Variants in ST6GALNAC5 observed in about 807,000 individuals in gnomAD.
ST6GALNAC5 encodes the protein ST6 N-acetylgalactosaminide alpha-2,6-sialyltransferase 5.
Under a neutral mutation model 33.6 loss-of-function variants are expected in ST6GALNAC5, and 27 were observed. The ratio of observed to expected loss-of-function variants is 0.80; its 90% CI spans 0.59 to 1.11. The LOEUF (loss-of-function observed/expected upper bound fraction) is 1.11. Among genes scored for constraint, ST6GALNAC5 ranks in the 50% least tolerant of loss-of-function variants. ST6GALNAC5 has a pLI of 0.00. For missense variants in ST6GALNAC5, 428 were observed against 454.0 expected (o/e 0.94, Z 0.52); for synonymous variants, 194 against 171.2 (o/e 1.13, Z -1.04).
chr1:77,036,695 CT>C (rs1557769666), intron 2 of ST6GALNAC5, among the ~76,000 whole-genome samples: 2 of 152,228 alleles, frequency 1.3e-5, no homozygotes, highest in Admixed American at 6.5e-5. Context: ...TGGTTAAGTG[CT>C]TTACATGGCT....
rs199684 is a variant in ST6GALNAC5 at position 77,019,900 on chromosome 1, T to A, written c.262-24304T>A. 5.1e-3 allele frequency among the ~76,000 whole-genome samples: 770 copies of A among 152,306 alleles called. 7 individuals carry two copies. Among genetic ancestry groups the A allele is most frequent in the African/African-American group, 0.018 (729 of 41,572 alleles). On this transcript the variant is annotated intron_variant, in intron 2 of 4. Coordinates refer to ENST00000477717, the MANE Select transcript of ST6GALNAC5 (RefSeq NM_030965.3). Reference sequence around the variant, plus strand: ...TAACCCCCAAATTCCTATCTTATACTTTAAACTGCCCTGAAAATCAAAAGC... The same window carrying A: ...TAACCCCCAAATTCCTATCTTATACATTAAACTGCCCTGAAAATCAAAAGC...
intron 2 of ST6GALNAC5, among the ~76,000 whole-genome samples, chr1:76,905,245 A>G (rs962828518): frequency 6.6e-6 from 1 of 152,216 alleles, no homozygotes; most frequent in South Asian, 2.1e-4. Context: ...TGGCGGGATA[A>G]CTACTTACAA....
At chr1:76,988,012 CT>C (rs1649579888) in intron 2 of ST6GALNAC5, among the ~76,000 whole-genome samples, 1 of 152,066 alleles carries the variant, frequency 6.6e-6, no homozygotes, top group Non-Finnish European at 1.5e-5. Context: ...ACCAATTATT[CT>C]TAGGTTTGGA....
chr1:77,004,715 G>C (rs983129967), intron 2 of ST6GALNAC5, among the ~76,000 whole-genome samples: 1 of 119,808 alleles, frequency 8.3e-6, no homozygotes, highest in African/African-American at 2.6e-5. Context: ...TAACAGACAG[G>C]ACCCTCAGCT....
chr1:76,920,274 A>T (rs530442864), intron 2 of ST6GALNAC5, among the ~76,000 whole-genome samples: 8 of 152,280 alleles, frequency 5.3e-5, no homozygotes, highest in Non-Finnish European at 1.2e-4. Flanking sequence ...AAAGCTTAGA[A>T]ATTTAAAAAT....
chr1:76,930,259 G>C (rs1250816619), intron 2 of ST6GALNAC5, among the ~76,000 whole-genome samples: 2 of 152,132 alleles, frequency 1.3e-5, no homozygotes, highest in Non-Finnish European at 2.9e-5. Context: ...TATGAGGATA[G>C]TTTATATGTC....
intron 2 of ST6GALNAC5, among the ~76,000 whole-genome samples, chr1:76,965,732 T>C (rs986005140): frequency 2.0e-5 from 3 of 152,240 alleles, no homozygotes; most frequent in Non-Finnish European, 4.4e-5. Flanking sequence ...AGGATTTTTA[T>C]GGTTTTAGGT....
At chr1:77,028,558 C>T (rs545621102) in intron 2 of ST6GALNAC5, among the ~76,000 whole-genome samples, 1 of 152,354 alleles carries the variant, frequency 6.6e-6, no homozygotes, top group South Asian at 2.1e-4. Flanking sequence ...ATTTAAAACA[C>T]TTTGTGGGAC....
chr1:76,982,805 G>A (rs1649312043), intron 2 of ST6GALNAC5, among the ~76,000 whole-genome samples: 1 of 151,028 alleles, frequency 6.6e-6, no homozygotes, highest in African/African-American at 2.4e-5. Flanking sequence ...CAGACTAACA[G>A]CAGATCTCTC....
At chr1:77,037,965 C>A (rs930790088) in intron 2 of ST6GALNAC5, among the ~76,000 whole-genome samples, 1 of 152,196 alleles carries the variant, frequency 6.6e-6, no homozygotes, top group Non-Finnish European at 1.5e-5. Flanking sequence ...GATGGCAAAG[C>A]TTCCCTTTGA....
chr1:76,976,614 A>T (rs1570728663), intron 2 of ST6GALNAC5, among the ~76,000 whole-genome samples: 1 of 152,202 alleles, frequency 6.6e-6, no homozygotes. Flanking sequence ...TTTTTGCAAT[A>T]CTATGGGTCA....
chr1:76,905,339 G>A (rs950215789), intron 2 of ST6GALNAC5, among the ~76,000 whole-genome samples: 3 of 152,082 alleles, frequency 2.0e-5, no homozygotes, highest in Non-Finnish European at 2.9e-5. Flanking sequence ...TTATTGTCTT[G>A]GAAGCAAACT....
At chr1:76,941,280 G>A (rs182600554) in intron 2 of ST6GALNAC5, among the ~76,000 whole-genome samples, 63 of 152,196 alleles carry the variant, frequency 4.1e-4, no homozygotes, top group Non-Finnish European at 1.2e-4. Context: ...GAAAGTTAGA[G>A]GGCAGCACCT....
chr1:76,915,694 G>A (rs1223950355), intron 2 of ST6GALNAC5, among the ~76,000 whole-genome samples: 1 of 149,946 alleles, frequency 6.7e-6, no homozygotes, highest in Admixed American at 6.7e-5. Context: ...GGACTGTTGT[G>A]GGGTGAGGGG....
rs894054872 is a variant in ST6GALNAC5, at chr1:76,868,490, C to T, written c.16-7C>T. 9 of 1,599,576 alleles carry T rather than the reference C, an allele frequency of 5.6e-6. No homozygotes were observed. Among genetic ancestry groups the T allele is most frequent in the Non-Finnish European group, 7.7e-6 (9 of 1,170,648 alleles). The stretch of plus-strand genomic sequence containing the variant: ...GCTCTCCTCTTCTCTCTCCCGCCCG[C>T]CCGCAGCGCCATGGTCTGGCAGTGT... On this transcript the variant is annotated splice_polypyrimidine_tract_variant and splice_region_variant and intron_variant, in intron 1 of 4. Coordinates refer to ENST00000477717, the MANE Select transcript of ST6GALNAC5 (RefSeq NM_030965.3). The surrounding 1 kb of genome is among the most constrained non-coding windows in gnomAD (Gnocchi z 4.3).
chr1:76,937,318 A>G (rs375765128), intron 2 of ST6GALNAC5, among the ~76,000 whole-genome samples: 1 of 152,038 alleles, frequency 6.6e-6, no homozygotes, highest in Admixed American at 6.6e-5. Context: ...TAAAAATAAT[A>G]GGACTTATGG....
intron 2 of ST6GALNAC5, among the ~76,000 whole-genome samples, chr1:76,955,639 A>T (rs1217691619): frequency 6.6e-6 from 1 of 152,208 alleles, no homozygotes; most frequent in Non-Finnish European, 1.5e-5. Flanking sequence ...GTTTGGAAGT[A>T]GGTTATTATT....
At chr1:77,023,088 G>C (rs949665568) in intron 2 of ST6GALNAC5, among the ~76,000 whole-genome samples, 1 of 152,176 alleles carries the variant, frequency 6.6e-6, no homozygotes, top group Non-Finnish European at 1.5e-5. Context: ...ACAGGCCAAG[G>C]GACCATGTGA....
chr1:76,914,031 C>T (rs1646941970), intron 2 of ST6GALNAC5, among the ~76,000 whole-genome samples: 1 of 152,132 alleles, frequency 6.6e-6, no homozygotes, highest in Non-Finnish European at 1.5e-5. Context: ...AAATCACAAG[C>T]ATTCTTATAC....
Sources: gnomAD v4.1 joint callset for allele counts (sites outside exome capture counted in the v4.1 genomes callset) on GRCh38, gnomAD v4.1.1 for gene constraint, Gnocchi (gnomAD v3.1) non-coding constraint, MANE v1.5 for transcripts, NCBI Gene and HGNC (gene_info 2026-07-23, HGNC 2026-07-21) for gene names.